Variants in C10orf67 observed in about 807,000 individuals in gnomAD.
The protein encoded by C10orf67 is chromosome 10 open reading frame 67.
C10orf67 carries 60 observed loss-of-function variants against 35.6 expected under a neutral mutation model. That is an observed-to-expected ratio of 1.68 (90% CI 1.37 to 2.09). The LOEUF (loss-of-function observed/expected upper bound fraction) is 2.09, where lower values mean the gene tolerates loss of function less well. Among genes scored for constraint, C10orf67 ranks in the 30% most tolerant of loss-of-function variants. The probability of loss-of-function intolerance (pLI) is 0.00; values close to 1 mark genes in which losing one functional copy is unlikely to be tolerated. For synonymous variants in C10orf67, 167 were observed against 115.8 expected (o/e 1.44, Z -2.84); for missense variants, 474 against 330.2 (o/e 1.44, Z -3.38).
At chr10:23,206,011 C>T (rs1386474923) in intron 15 of C10orf67, among the ~76,000 whole-genome samples, 2 of 152,158 alleles carry the variant, frequency 1.3e-5, no homozygotes, top group Admixed American at 6.5e-5. Context: ...AATTCAAAAG[C>T]ACTGATCTCG....
intron 8 of C10orf67, among the ~76,000 whole-genome samples, chr10:23,281,153 A>G (rs1480180761): frequency 6.6e-6 from 1 of 152,194 alleles, no homozygotes; most frequent in Non-Finnish European, 1.5e-5. Flanking sequence ...TTGGTTTCGT[A>G]GAAGGCTTTA....
chr10:23,341,671 C>T (rs1210209763), intron 1 of C10orf67, among the ~76,000 whole-genome samples: 2 of 152,186 alleles, frequency 1.3e-5, no homozygotes, highest in African/African-American at 2.4e-5. Flanking sequence ...CCTCTGACTT[C>T]ACCTCCACTA....
intron 15 of C10orf67, among the ~76,000 whole-genome samples, chr10:23,221,811 A>G (rs1434386546): frequency 6.6e-6 from 1 of 152,204 alleles, no homozygotes; most frequent in Non-Finnish European, 1.5e-5. Context: ...TAAAAATAGG[A>G]AATTTATTTC....
intron 6 of C10orf67, 110 bp downstream of exon 6, chr10:23,291,022 C>A: frequency 1.7e-6 from 1 of 593,718 alleles, no homozygotes; most frequent in Non-Finnish European, 3.0e-6. Context: ...ATTCATCTTT[C>A]AAATGTAAAT....
chr10:23,333,967 A>G (rs4747463), intron 1 of C10orf67, among the ~76,000 whole-genome samples: 10,246 of 152,268 alleles, frequency 0.067, 1,305 homozygotes, highest in East Asian at 0.62. Context: ...CATGTTTCAG[A>G]AAAATAAAAT....
intron 4 of C10orf67, among the ~76,000 whole-genome samples, chr10:23,305,232 A>G (rs1187202080): frequency 1.3e-5 from 2 of 152,250 alleles, no homozygotes; most frequent in East Asian, 3.8e-4. Context: ...TCATTTGATA[A>G]GTAAATCAAA....
At chr10:23,212,780 A>AGAGAGAGAGAGAGAGAGAGG in intron 15 of C10orf67, among the ~76,000 whole-genome samples, 1 of 34,880 alleles carries the variant, frequency 2.9e-5, no homozygotes, top group African/African-American at 1.6e-4. Flanking sequence ...TATTGTATTG[A>AGAGAGAGAGAGAGAGAGAGG]GAGAGAGAGA....
At chr10:23,292,242 T>C (rs1588660595) in intron 5 of C10orf67, among the ~76,000 whole-genome samples, 1 of 146,942 alleles carries the variant, frequency 6.8e-6, no homozygotes, top group Non-Finnish European at 1.5e-5. Context: ...CTTATGGCTG[T>C]CTAGATTTTA....
chr10:23,238,318 C>A lies in C10orf67; in HGVS notation c.1434+1411G>T, dbSNP rs77444211. On this transcript the variant is annotated intron_variant, in intron 13 of 15. Transcript: ENST00000636213. The stretch of plus-strand genomic sequence containing the variant: ...CTCCCCTTCCCCATCAGTTTTTCTT[C>A]AGTATTTGAAAATCTGTATACACTC... Among the ~76,000 whole-genome samples the A allele has an allele frequency of 1.6e-4, 25 of 152,290 alleles. No homozygotes were observed. In the East Asian group the frequency reaches 4.6e-3, roughly 28 times the overall value.
At chr10:23,343,829 T>G (rs568050503) in intron 1 of C10orf67, 1 of 424,406 alleles carries the variant, frequency 2.4e-6, no homozygotes, top group Admixed American at 2.8e-5. Flanking sequence ...GCAAGGGGCC[T>G]GGAAAGGCGT....
At chr10:23,211,102 G>C (rs937978089) in intron 15 of C10orf67, among the ~76,000 whole-genome samples, 3 of 152,204 alleles carry the variant, frequency 2.0e-5, no homozygotes, top group Non-Finnish European at 4.4e-5. Context: ...TTGTCTCATA[G>C]TTGTGGAGGC....
chr10:23,241,081 G>A (rs1463970398), intron 12 of C10orf67, among the ~76,000 whole-genome samples: 2 of 152,194 alleles, frequency 1.3e-5, no homozygotes, highest in African/African-American at 4.8e-5. Flanking sequence ...GAGTCACAGA[G>A]AATTAGCCCA....
chr10:23,203,919 C>T lies in C10orf67; in HGVS notation c.*254G>A, dbSNP rs988357668. The stretch of plus-strand genomic sequence containing the variant: ...AGCTCCTGAATGGATGTGGTTGCCC[C>T]GGAGGTTCAGTGCGCCCCGCTCACC... On this transcript the variant is annotated 3_prime_UTR_variant, in exon 16 of 16. Coordinates refer to ENST00000636213, the MANE Select transcript of C10orf67 (RefSeq NM_001371909.1). 13 of 320,968 alleles carry T rather than the reference C, an allele frequency of 4.1e-5. No individual in the cohort carries two copies. In the South Asian group the frequency reaches 1.4e-3, roughly 35 times the overall value. The allele number at this position is 320,968 out of a possible 1,614,324, so 19.9% of individuals were successfully genotyped here. A position where few individuals can be genotyped will look rare whatever the true frequency, so the allele number is the denominator to read the frequency against.
At chr10:23,335,918 C>G (rs1845662059) in intron 1 of C10orf67, among the ~76,000 whole-genome samples, 1 of 152,174 alleles carries the variant, frequency 6.6e-6, no homozygotes, top group African/African-American at 2.4e-5. Context: ...TTGTACCTAT[C>G]AAAATCATAT....
intron 5 of C10orf67, among the ~76,000 whole-genome samples, chr10:23,301,447 C>A (rs1844072551): frequency 6.6e-6 from 1 of 152,200 alleles, no homozygotes; most frequent in African/African-American, 2.4e-5. Flanking sequence ...TCCTCCAATT[C>A]TAAGGATAGG....
chr10:23,224,310 T>C (rs1388862890), intron 13 of C10orf67, among the ~76,000 whole-genome samples: 2 of 152,184 alleles, frequency 1.3e-5, no homozygotes, highest in Non-Finnish European at 2.9e-5. Flanking sequence ...GACCTGCAGC[T>C]GAGGGTCCTG....
chr10:23,278,404 G>C (rs1318456350), intron 8 of C10orf67, among the ~76,000 whole-genome samples: 1 of 152,148 alleles, frequency 6.6e-6, no homozygotes, highest in East Asian at 1.9e-4. Context: ...GCCATATATA[G>C]TGTGGGTTAA....
intron 13 of C10orf67, 91 bp downstream of exon 13, chr10:23,239,638 C>G (rs1842130007): frequency 3.6e-6 from 2 of 562,464 alleles, no homozygotes; most frequent in Non-Finnish European, 6.9e-6. Flanking sequence ...CCTGTAATGA[C>G]AGGGGCTTGA....
intron 10 of C10orf67, among the ~76,000 whole-genome samples, chr10:23,257,206 G>A (rs1842625016): frequency 6.6e-6 from 1 of 152,138 alleles, no homozygotes; most frequent in Non-Finnish European, 1.5e-5. Context: ...CAGATACAAG[G>A]CGAGTGAACT....
Sources: allele counts gnomAD v4.1 joint callset (sites outside exome capture counted in the v4.1 genomes callset), GRCh38; gene constraint gnomAD v4.1.1; transcripts MANE v1.5; gene names NCBI Gene and HGNC (gene_info 2026-07-23, HGNC 2026-07-21).